Variants in SLC35F4 observed in about 807,000 individuals in gnomAD.
SLC35F4 encodes the protein solute carrier family 35 member F4, also known as chromosome 14 open reading frame 36.
SLC35F4 carries 24 observed loss-of-function variants against 44.2 expected under a neutral mutation model. The observed-to-expected ratio is 0.54, with a 90% CI of 0.39 to 0.76. The LOEUF (loss-of-function observed/expected upper bound fraction) is 0.76. Among genes scored for constraint, SLC35F4 ranks in the 30% least tolerant of loss-of-function variants. The probability of loss-of-function intolerance (pLI) is 0.00; values close to 1 mark genes in which losing one functional copy is unlikely to be tolerated. For synonymous variants in SLC35F4, 238 were observed against 223.6 expected, an observed-to-expected ratio of 1.06 and a Z score of -0.57; for missense variants, 562 against 586.1, an observed-to-expected ratio of 0.96 and a Z score of 0.42.
rs79747435 is a variant in SLC35F4, at chr14:57,586,967, C to A, written c.587+2249G>T. Reference sequence around the variant, plus strand: ...TAAACAAATTTACAAGAAAAAAAAACCAACAAACACTTCTCAAAAGAAGAC... The same window carrying A: ...TAAACAAATTTACAAGAAAAAAAAAACAACAAACACTTCTCAAAAGAAGAC... On this transcript the variant is annotated intron_variant, in intron 3 of 7. Coordinates refer to ENST00000556826, the MANE Select transcript of SLC35F4 (RefSeq NM_001306087.2). Among the ~76,000 whole-genome samples, 14 of 27,192 alleles carry A rather than the reference C, an allele frequency of 5.1e-4. No individual in the cohort carries two copies. The East Asian group carries it at 0.047, about 91-fold the overall frequency. The allele number at this position is 27,192 out of a possible 152,430, so 17.8% of individuals were successfully genotyped here.
chr14:57,669,674 A>T (rs62004031), intron 1 of SLC35F4, among the ~76,000 whole-genome samples: 9,220 of 152,132 alleles, frequency 0.061, 419 homozygotes, highest in South Asian at 0.093. Flanking sequence ...CATCCCAGGG[A>T]TGAAGCCCAC....
intron 1 of SLC35F4, among the ~76,000 whole-genome samples, chr14:57,623,577 G>A: frequency 6.6e-6 from 1 of 152,102 alleles, no homozygotes; most frequent in East Asian, 1.9e-4. Context: ...GTCAGCAAAT[G>A]CAAAAGAATG....
At chr14:57,872,107 AAC>A (rs1411900589) in intron 1 of SLC35F4, among the ~76,000 whole-genome samples, 5 of 152,214 alleles carry the variant, frequency 3.3e-5, no homozygotes, top group East Asian at 1.9e-4. Context: ...GCATCCATAA[AAC>A]ACAGACTCCA....
intron 1 of SLC35F4, among the ~76,000 whole-genome samples, chr14:57,905,802 A>G (rs1169369474): frequency 6.6e-6 from 1 of 152,230 alleles, no homozygotes; most frequent in Non-Finnish European, 1.5e-5. Flanking sequence ...CATGAAAAAG[A>G]CAGTGGAGAG....
intron 1 of SLC35F4, among the ~76,000 whole-genome samples, chr14:57,768,985 TC>T (rs2077298290): frequency 6.6e-6 from 1 of 152,148 alleles, no homozygotes. Flanking sequence ...ACTCCCAACC[TC>T]AACTGATTTG....
chr14:57,880,252 G>T (rs1304001530), intron 1 of SLC35F4, among the ~76,000 whole-genome samples: 2 of 152,182 alleles, frequency 1.3e-5, no homozygotes, highest in Non-Finnish European at 2.9e-5. Flanking sequence ...ATTTGCATTT[G>T]TTTGCATGTA....
At chr14:57,773,340 AG>A (rs35011332) in intron 1 of SLC35F4, among the ~76,000 whole-genome samples, 1 of 152,222 alleles carries the variant, frequency 6.6e-6, no homozygotes, top group African/African-American at 2.4e-5. Context: ...CAACTCTACA[AG>A]GAAGTTATTA....
At chr14:57,665,679 T>C (rs763933887) in intron 1 of SLC35F4, among the ~76,000 whole-genome samples, 23 of 152,220 alleles carry the variant, frequency 1.5e-4, no homozygotes, top group Admixed American at 3.3e-4. Flanking sequence ...CACATGCAGA[T>C]ATATGTTCAT....
chr14:57,588,109 G>A (rs895062061), intron 3 of SLC35F4, among the ~76,000 whole-genome samples: 1 of 152,194 alleles, frequency 6.6e-6, no homozygotes, highest in East Asian at 1.9e-4. Context: ...GAAGGTTGTA[G>A]TGAGCTGAGA....
intron 1 of SLC35F4, among the ~76,000 whole-genome samples, chr14:57,721,211 C>T (rs1431649229): frequency 6.6e-6 from 1 of 151,652 alleles, no homozygotes; most frequent in Non-Finnish European, 1.5e-5. Context: ...GCTAAGGTCT[C>T]TCCTTTAATA....
intron 1 of SLC35F4, among the ~76,000 whole-genome samples, chr14:57,939,595 G>C (rs17093976): frequency 0.098 from 14,967 of 152,192 alleles, 1,279 homozygotes; most frequent in African/African-American, 0.23. Context: ...CTCAGAGCGA[G>C]GAAGGGTAGA....
At chr14:57,590,256 G>C (rs369247842) in intron 2 of SLC35F4, among the ~76,000 whole-genome samples, 1 of 147,936 alleles carries the variant, frequency 6.8e-6, no homozygotes, top group African/African-American at 2.5e-5. Context: ...AGCCGTGGGA[G>C]GTGGCATATA....
intron 1 of SLC35F4, among the ~76,000 whole-genome samples, chr14:57,613,749 A>G (rs886962598): frequency 3.9e-5 from 6 of 152,204 alleles, no homozygotes; most frequent in Non-Finnish European, 7.3e-5. Flanking sequence ...CAGACTTGGG[A>G]GTCAGGTGAC....
At chr14:57,826,671 A>AG (rs1883799237) in intron 1 of SLC35F4, among the ~76,000 whole-genome samples, 1 of 152,110 alleles carries the variant, frequency 6.6e-6, no homozygotes, top group Admixed American at 6.5e-5. Flanking sequence ...TAAAAGAAAA[A>AG]AAAAACTAGT....
At chr14:57,647,314 G>C (rs1294315784) in intron 1 of SLC35F4, among the ~76,000 whole-genome samples, 6 of 152,052 alleles carry the variant, frequency 3.9e-5, no homozygotes, top group Admixed American at 3.3e-4. Flanking sequence ...TCCTGTTATT[G>C]GGTGCATATA....
chr14:57,937,064 C>CTTTT (rs11458039), intron 1 of SLC35F4, among the ~76,000 whole-genome samples: 28 of 144,232 alleles, frequency 1.9e-4, no homozygotes, highest in South Asian at 8.8e-4. Flanking sequence ...ATTTTACCTG[C>CTTTT]TTTTTTTTTT....
chr14:57,659,474 G>A (rs1401849599), intron 1 of SLC35F4, among the ~76,000 whole-genome samples: 1 of 152,108 alleles, frequency 6.6e-6, no homozygotes, highest in African/African-American at 2.4e-5. Flanking sequence ...AATAGAAATA[G>A]AAATTAAATA....
chr14:57,870,572 G>A (rs59476536), upstream of SLC35F4, among the ~76,000 whole-genome samples: 32 of 152,226 alleles, frequency 2.1e-4, no homozygotes, highest in East Asian at 5.4e-3. Flanking sequence ...CTATTTTTAT[G>A]CAGACATAGA....
At chr14:57,751,395 C>T (rs1488806284) in intron 1 of SLC35F4, among the ~76,000 whole-genome samples, 2 of 152,146 alleles carry the variant, frequency 1.3e-5, no homozygotes, top group African/African-American at 4.8e-5. Flanking sequence ...TCTCCTGACT[C>T]AGAATGATGT....
Sources: allele counts gnomAD v4.1 joint callset (sites outside exome capture counted in the v4.1 genomes callset), GRCh38; gene constraint gnomAD v4.1.1; transcripts MANE v1.5; gene names NCBI Gene and HGNC (gene_info 2026-07-23, HGNC 2026-07-21).